The following TAS2R1 variants were observed in gnomAD, a reference collection of about 807,000 sequenced individuals.
TAS2R1 encodes the protein taste 2 receptor member 1, also known as taste receptor type 2 member 1.
For synonymous variants in TAS2R1, 141 were observed against 134.2 expected, an observed-to-expected ratio of 1.05 and a Z score of -0.35; for missense variants, 370 against 353.4, an observed-to-expected ratio of 1.05 and a Z score of -0.38.
the TAS2R1 span, among the ~76,000 whole-genome samples, chr5:9,749,481 A>G: frequency 6.6e-6 from 1 of 152,226 alleles, no homozygotes; most frequent in African/African-American, 2.4e-5. Context: ...TTAATTCTTC[A>G]GATACTGAAA....
At chr5:9,635,992 G>C (rs1739956811) in intron 2 of TAS2R1, among the ~76,000 whole-genome samples, 1 of 151,750 alleles carries the variant, frequency 6.6e-6, no homozygotes, top group South Asian at 2.1e-4. Context: ...GGGTTTGTTT[G>C]TTCTTGTTTC....
chr5:9,730,992 A>T, the TAS2R1 span, among the ~76,000 whole-genome samples: 1 of 152,054 alleles, frequency 6.6e-6, no homozygotes, highest in African/African-American at 2.4e-5. Flanking sequence ...TTTATAAATC[A>T]CCCAGTTTCA....
intron 1 of TAS2R1, among the ~76,000 whole-genome samples, chr5:9,669,685 T>C (rs1464553606): frequency 4.6e-5 from 7 of 152,052 alleles, no homozygotes; most frequent in Non-Finnish European, 1.0e-4. Context: ...GAAATTAAAG[T>C]AGAAATCAAG....
intron 1 of TAS2R1, among the ~76,000 whole-genome samples, chr5:9,709,066 C>G (rs551909153): frequency 6.2e-4 from 94 of 152,038 alleles, no homozygotes; most frequent in Non-Finnish European, 1.1e-3. Flanking sequence ...GGACAAATAT[C>G]TAATGCATGT....
chr5:9,733,445 A>G, the TAS2R1 span, among the ~76,000 whole-genome samples: 1 of 152,258 alleles, frequency 6.6e-6, no homozygotes, highest in African/African-American at 2.4e-5. Flanking sequence ...TTACTCAGGC[A>G]AAGTGACTGC....
chr5:9,711,318 G>C (rs1348965610), intron 1 of TAS2R1, among the ~76,000 whole-genome samples: 1 of 152,116 alleles, frequency 6.6e-6, no homozygotes, highest in Non-Finnish European at 1.5e-5. Context: ...CCATACAATG[G>C]AATATTATTC....
chr5:9,743,497 G>T, the TAS2R1 span, among the ~76,000 whole-genome samples: 441 of 152,220 alleles, frequency 2.9e-3, 4 homozygotes, highest in Middle Eastern at 0.014. Context: ...AAACATGGAA[G>T]ATTTCTGGAT....
the TAS2R1 span, among the ~76,000 whole-genome samples, chr5:9,805,594 T>C: frequency 6.6e-5 from 10 of 152,228 alleles, no homozygotes; most frequent in Non-Finnish European, 1.2e-4. Context: ...TGGTATAACA[T>C]ATGTAAGTCA....
the TAS2R1 span, among the ~76,000 whole-genome samples, chr5:9,722,028 A>G: frequency 1.3e-5 from 2 of 151,988 alleles, no homozygotes; most frequent in Non-Finnish European, 2.9e-5. Context: ...GTTTTAAAAG[A>G]CTCTTCCTTA....
At chr5:9,697,874 A>G (rs2126522909) in intron 1 of TAS2R1, among the ~76,000 whole-genome samples, 1 of 152,216 alleles carries the variant, frequency 6.6e-6, no homozygotes. Context: ...TAGTTTACAC[A>G]GTAAGATGTG....
At chr5:9,691,351 C>T (rs934964197) in intron 1 of TAS2R1, among the ~76,000 whole-genome samples, 4 of 152,192 alleles carry the variant, frequency 2.6e-5, no homozygotes, top group African/African-American at 4.8e-5. Context: ...AGTGTGACCC[C>T]GCTGGCACCT....
At chr5:9,855,310 C>A in the TAS2R1 span, among the ~76,000 whole-genome samples, 2 of 152,206 alleles carry the variant, frequency 1.3e-5, no homozygotes, top group Admixed American at 6.5e-5. Flanking sequence ...CAGGGAAAAT[C>A]CGGCCAGGAT....
At position 9,628,353 on chromosome 5, in the gene TAS2R1, C is replaced by T. The variant is rs1452485906; in HGVS notation, c.*780G>A. 1.3e-5 allele frequency among the ~76,000 whole-genome samples: 2 copies of T among 152,082 alleles called. No individual in the cohort carries two copies. Among genetic ancestry groups the T allele is most frequent in the Admixed American group, 6.6e-5 (1 of 15,264 alleles). On this transcript the variant is annotated 3_prime_UTR_variant, in exon 1 of 1. Coordinates refer to ENST00000382492, the MANE Select transcript of TAS2R1 (RefSeq NM_019599.3). ...GGTCTCAAAGTCAGGCACACAAATACAAAATAAAACATCTTTGCAAGTTAT... is the reference window on the plus strand; with the variant it reads ...GGTCTCAAAGTCAGGCACACAAATATAAAATAAAACATCTTTGCAAGTTAT...
rs192248186 is a variant in TAS2R1 at position 9,627,746 on chromosome 5, C to A, written c.*1387G>T. Reference sequence around the variant, plus strand: ...CTACAAACCTTCCTACCTAGTGGGACGTGGGAAAATGAAATAGCAGGAAGA... The same window carrying A: ...CTACAAACCTTCCTACCTAGTGGGAAGTGGGAAAATGAAATAGCAGGAAGA... On this transcript the variant is annotated 3_prime_UTR_variant, in exon 1 of 1. Transcript: ENST00000382492. 2.2e-3 allele frequency among the ~76,000 whole-genome samples: 333 copies of A among 152,308 alleles called. No individual in the cohort carries two copies. The highest frequency in any genetic ancestry group is 7.6e-3 in the African/African-American group (316 of 41,574).
the TAS2R1 span, among the ~76,000 whole-genome samples, chr5:9,877,482 C>CT: frequency 0.014 from 2,137 of 152,278 alleles, 16 homozygotes; most frequent in Non-Finnish European, 0.019. Flanking sequence ...ATTCTTTATA[C>CT]TTTTTGAATA....
the TAS2R1 span, among the ~76,000 whole-genome samples, chr5:9,820,468 A>G: frequency 1.3e-5 from 2 of 152,242 alleles, no homozygotes; most frequent in Admixed American, 6.5e-5. Flanking sequence ...TAAGTCAACT[A>G]CAGTACATCA....
At chr5:9,740,453 C>T in the TAS2R1 span, among the ~76,000 whole-genome samples, 1 of 152,140 alleles carries the variant, frequency 6.6e-6, no homozygotes. Context: ...ATAAAAGGCA[C>T]CATGGTGTAG....
chr5:9,774,499 T>C, the TAS2R1 span, among the ~76,000 whole-genome samples: 1 of 152,258 alleles, frequency 6.6e-6, no homozygotes, highest in Non-Finnish European at 1.5e-5. Context: ...TTTGTCAATG[T>C]CTGGGCATTC....
At chr5:9,644,372 A>G (rs1740148325) in intron 2 of TAS2R1, among the ~76,000 whole-genome samples, 1 of 152,104 alleles carries the variant, frequency 6.6e-6, no homozygotes. Context: ...CGAGGAATAG[A>G]TTTTGATGGC....
Sources: gnomAD v4.1 joint callset for allele counts (sites outside exome capture counted in the v4.1 genomes callset) on GRCh38, gnomAD v4.1.1 for gene constraint, MANE v1.5 for transcripts, NCBI Gene and HGNC (gene_info 2026-07-23, HGNC 2026-07-21) for gene names.